The following CSMD1 variants were observed in gnomAD, a reference collection of about 807,000 sequenced individuals.
The protein encoded by CSMD1 is CUB and Sushi multiple domains 1.
CSMD1 carries 213 observed loss-of-function variants against 417.5 expected under a neutral mutation model. The ratio of observed to expected loss-of-function variants is 0.51; its 90% CI spans 0.46 to 0.57. The LOEUF (loss-of-function observed/expected upper bound fraction) is 0.57. Among genes scored for constraint, CSMD1 ranks in the 20% least tolerant of loss-of-function variants. CSMD1 has a pLI of 0.00. For missense variants in CSMD1, 6,923 were observed against 4,529.7 expected (o/e 1.53, Z -15.17); for synonymous variants, 2,862 against 1,736.8 (o/e 1.65, Z -16.11).
intron 2 of CSMD1, among the ~76,000 whole-genome samples, chr8:4,570,227 C>T (rs112649539): frequency 0.16 from 23,994 of 152,132 alleles, 2,169 homozygotes; most frequent in Non-Finnish European, 0.2. Context: ...GGTTTTAAAA[C>T]GCAATGCTTC....
At chr8:4,404,049 C>G (rs1306068590) in intron 3 of CSMD1, among the ~76,000 whole-genome samples, 3 of 152,114 alleles carry the variant, frequency 2.0e-5, no homozygotes, top group Non-Finnish European at 4.4e-5. Flanking sequence ...CAGACTTATC[C>G]AAAAACACTC....
chr8:3,659,869 T>C (rs1283866440), intron 7 of CSMD1, among the ~76,000 whole-genome samples: 1 of 152,166 alleles, frequency 6.6e-6, no homozygotes, highest in Non-Finnish European at 1.5e-5. Flanking sequence ...TTTAGAGAAA[T>C]AATGCCATAT....
intron 8 of CSMD1, among the ~76,000 whole-genome samples, chr8:3,610,230 G>GTA (rs1450372110): frequency 3.3e-5 from 5 of 152,086 alleles, no homozygotes; most frequent in Non-Finnish European, 7.4e-5. Flanking sequence ...AACATAAATA[G>GTA]TAGATATAAA....
At chr8:3,175,785 G>C (rs1820901691) in intron 37 of CSMD1, among the ~76,000 whole-genome samples, 1 of 152,106 alleles carries the variant, frequency 6.6e-6, no homozygotes, top group Non-Finnish European at 1.5e-5. Context: ...GAATATATTA[G>C]TATTATATCT....
chr8:4,765,359 TGAA>T (rs1304544970), intron 1 of CSMD1, among the ~76,000 whole-genome samples: 4 of 152,196 alleles, frequency 2.6e-5, no homozygotes, highest in African/African-American at 9.6e-5. Flanking sequence ...TCCACAAAAC[TGAA>T]GAAGCACATC....
chr8:3,239,750 T>G (rs141293328), intron 26 of CSMD1, among the ~76,000 whole-genome samples: 48 of 152,290 alleles, frequency 3.2e-4, no homozygotes, highest in Non-Finnish European at 5.0e-4. Context: ...CTGGTGGAAC[T>G]GCCCTCAATA....
At chr8:4,774,908 G>A (rs965238219) in intron 1 of CSMD1, among the ~76,000 whole-genome samples, 2 of 152,154 alleles carry the variant, frequency 1.3e-5, no homozygotes, top group Admixed American at 6.6e-5. Flanking sequence ...GCAGAAGCCA[G>A]GCAGCTTCCA....
chr8:3,831,926 C>A (rs1802401059), intron 5 of CSMD1, among the ~76,000 whole-genome samples: 1 of 152,128 alleles, frequency 6.6e-6, no homozygotes, highest in Non-Finnish European at 1.5e-5. Context: ...AAATACCCCC[C>A]AGAGATTAGT....
At chr8:3,856,353 G>C (rs1804310819) in intron 5 of CSMD1, among the ~76,000 whole-genome samples, 1 of 152,116 alleles carries the variant, frequency 6.6e-6, no homozygotes, top group South Asian at 2.1e-4. Context: ...TTCCTGTACA[G>C]CCCGCAGAAC....
intron 10 of CSMD1, among the ~76,000 whole-genome samples, chr8:3,495,962 G>C (rs1181117413): frequency 1.3e-5 from 2 of 152,072 alleles, no homozygotes; most frequent in Admixed American, 1.3e-4. Flanking sequence ...TTGGGACATA[G>C]GTAAACACGT....
chr8:4,102,967 A>G (rs986157189), intron 3 of CSMD1, among the ~76,000 whole-genome samples: 3 of 152,124 alleles, frequency 2.0e-5, no homozygotes, highest in African/African-American at 7.2e-5. Context: ...TAACTTTAAC[A>G]CGTGCAGAGC....
chr8:3,781,178 T>G (rs1799159526), intron 5 of CSMD1, among the ~76,000 whole-genome samples: 1 of 152,138 alleles, frequency 6.6e-6, no homozygotes, highest in Non-Finnish European at 1.5e-5. Flanking sequence ...TGGTGATTAT[T>G]TAACTCACAG....
In CSMD1 at chr8:4,406,870, G is replaced by A. The variant is rs150283721; in HGVS notation, c.415+13083C>T. Among the ~76,000 whole-genome samples, 16 of 152,296 alleles carry A rather than the reference G, an allele frequency of 1.1e-4. No individual in the cohort carries two copies. In the East Asian group the frequency reaches 1.5e-3, roughly 15 times the overall value. On this transcript the variant is annotated intron_variant, in intron 3 of 69. Transcript: ENST00000635120. Reference sequence around the variant, plus strand: ...AAAATGTCCACTGTAAATACAGCTCGTATTGAGGGCCATTTACTTTCTCTA... The same window carrying A: ...AAAATGTCCACTGTAAATACAGCTCATATTGAGGGCCATTTACTTTCTCTA...
chr8:4,475,634 C>A (rs181461979), intron 2 of CSMD1, among the ~76,000 whole-genome samples: 9 of 151,524 alleles, frequency 5.9e-5, no homozygotes, highest in Admixed American at 5.3e-4. Flanking sequence ...TTCTTTTCTT[C>A]GAGACGGAGT....
chr8:4,630,098 C>T (rs1389982622), intron 2 of CSMD1, among the ~76,000 whole-genome samples: 1 of 152,028 alleles, frequency 6.6e-6, no homozygotes, highest in Admixed American at 6.6e-5. Context: ...CAAAACACAC[C>T]ACCACAGCAT....
At chr8:4,035,772 C>T (rs1797584105) in intron 3 of CSMD1, among the ~76,000 whole-genome samples, 1 of 152,092 alleles carries the variant, frequency 6.6e-6, no homozygotes, top group African/African-American at 2.4e-5. Flanking sequence ...TAACGTTATA[C>T]TAAGCTTAAT....
chr8:4,222,895 G>C (rs958559391), intron 3 of CSMD1, among the ~76,000 whole-genome samples: 1 of 152,018 alleles, frequency 6.6e-6, no homozygotes, highest in African/African-American at 2.4e-5. Flanking sequence ...AAAACTATGG[G>C]CAAGTGAAAG....
At chr8:4,696,243 ACAC>A (rs1807124609) in intron 1 of CSMD1, among the ~76,000 whole-genome samples, 1 of 152,260 alleles carries the variant, frequency 6.6e-6, no homozygotes. Context: ...TATGATAGAT[ACAC>A]ATAAGAATTC....
At chr8:4,185,291 A>C (rs529172608) in intron 3 of CSMD1, among the ~76,000 whole-genome samples, 1 of 152,084 alleles carries the variant, frequency 6.6e-6, no homozygotes, top group African/African-American at 2.4e-5. Context: ...CAAATTGTTT[A>C]ATCTTTTTGT....
Sources: allele counts gnomAD v4.1 joint callset (sites outside exome capture counted in the v4.1 genomes callset), GRCh38; gene constraint gnomAD v4.1.1; transcripts MANE v1.5; gene names NCBI Gene and HGNC (gene_info 2026-07-23, HGNC 2026-07-21).